The following TMEM135 variants were observed in gnomAD, a reference collection of about 807,000 sequenced individuals.
The protein encoded by TMEM135 is peroxisomal membrane protein 52.
Under a neutral mutation model 60.3 loss-of-function variants are expected in TMEM135, and 30 were observed. That is an observed-to-expected ratio of 0.50 (90% CI 0.37 to 0.68). TMEM135 has a LOEUF of 0.68. Among genes scored for constraint, TMEM135 ranks in the 30% least tolerant of loss-of-function variants. TMEM135 has a pLI of 0.00. For synonymous variants in TMEM135, 190 were observed against 186.7 expected, an observed-to-expected ratio of 1.02 and a Z score of -0.14; for missense variants, 468 against 548.8, an observed-to-expected ratio of 0.85 and a Z score of 1.47.
chr11:87,314,416 A>ATCC (rs1942690457), intron 11 of TMEM135, 55 bp from the exon 12 acceptor site: 3 of 1,438,644 alleles, frequency 2.1e-6, no homozygotes, highest in Non-Finnish European at 2.9e-6. Context: ...CTGATGACAT[A>ATCC]ATAACAAATA....
At chr11:87,145,427 A>G (rs536686771) in intron 4 of TMEM135, among the ~76,000 whole-genome samples, 1 of 152,228 alleles carries the variant, frequency 6.6e-6, no homozygotes, top group South Asian at 2.1e-4. Flanking sequence ...CTGATTTCAA[A>G]TCTTTTGGGT....
chr11:87,057,938 A>G (rs1949909256), intron 1 of TMEM135, among the ~76,000 whole-genome samples: 1 of 152,156 alleles, frequency 6.6e-6, no homozygotes, highest in Non-Finnish European at 1.5e-5. Flanking sequence ...GTGAGTCCAA[A>G]GGCCTGAGTA....
At chr11:87,102,923 T>TATC (rs1181845231) in intron 4 of TMEM135, among the ~76,000 whole-genome samples, 2 of 152,000 alleles carry the variant, frequency 1.3e-5, no homozygotes, top group Non-Finnish European at 2.9e-5. Flanking sequence ...CACTGAAACT[T>TATC]ATCATCACAA....
intron 11 of TMEM135, 80 bp downstream of exon 11, chr11:87,313,568 C>T: frequency 2.5e-6 from 3 of 1,183,736 alleles, no homozygotes; most frequent in African/African-American, 1.5e-5. Context: ...TCCAATTCAT[C>T]CAATTTCTAT....
At chr11:87,066,995 T>C (rs920476720) in intron 1 of TMEM135, among the ~76,000 whole-genome samples, 8 of 151,392 alleles carry the variant, frequency 5.3e-5, no homozygotes, top group African/African-American at 1.9e-4. Context: ...TTGGCCAGAA[T>C]GGTCTTGAAC....
At chr11:87,045,760 T>C (rs1450776760) in intron 1 of TMEM135, among the ~76,000 whole-genome samples, 2 of 152,244 alleles carry the variant, frequency 1.3e-5, no homozygotes, top group Non-Finnish European at 1.5e-5. Context: ...AAAAACTTTC[T>C]TTTCATTATT....
intron 5 of TMEM135, among the ~76,000 whole-genome samples, chr11:87,234,330 G>A (rs1940949337): frequency 6.6e-6 from 1 of 151,970 alleles, no homozygotes; most frequent in African/African-American, 2.4e-5. Flanking sequence ...AGTTCCATGA[G>A]GGCAAAGACT....
chr11:87,258,346 C>T (rs1326865732), intron 6 of TMEM135, among the ~76,000 whole-genome samples: 2 of 152,092 alleles, frequency 1.3e-5, no homozygotes, highest in African/African-American at 4.8e-5. Flanking sequence ...CATCCTGTGG[C>T]TAAAGCTGCA....
At chr11:87,252,796 A>ATGTGTGTGTGTG (rs1430756887) in intron 6 of TMEM135, among the ~76,000 whole-genome samples, 1 of 81,140 alleles carries the variant, frequency 1.2e-5, no homozygotes, top group East Asian at 2.5e-4. Flanking sequence ...ATTAAAATAT[A>ATGTGTGTGTGTG]TATGTGTGTG....
At chr11:87,168,676 G>C (rs1939139354) in intron 5 of TMEM135, among the ~76,000 whole-genome samples, 1 of 152,126 alleles carries the variant, frequency 6.6e-6, no homozygotes, top group Admixed American at 6.5e-5. Context: ...GAGACTGTTT[G>C]TTATGATTTC....
chr11:87,176,634 T>G (rs1287807412), intron 5 of TMEM135, among the ~76,000 whole-genome samples: 1 of 152,146 alleles, frequency 6.6e-6, no homozygotes, highest in Non-Finnish European at 1.5e-5. Context: ...CCTTTGAATT[T>G]TAGAGGATTG....
chr11:87,159,271 T>A (rs541087828), intron 5 of TMEM135, among the ~76,000 whole-genome samples: 1 of 152,322 alleles, frequency 6.6e-6, no homozygotes, highest in East Asian at 1.9e-4. Flanking sequence ...TCTTACATTT[T>A]AAGAGCTCTG....
At chr11:87,285,613 C>G (rs1043299371) in intron 6 of TMEM135, among the ~76,000 whole-genome samples, 2 of 152,154 alleles carry the variant, frequency 1.3e-5, no homozygotes, top group African/African-American at 4.8e-5. Flanking sequence ...AGGAGTGAAG[C>G]TGCAGACCTT....
At chr11:87,138,282 G>T (rs1341704275) in intron 4 of TMEM135, among the ~76,000 whole-genome samples, 1 of 151,868 alleles carries the variant, frequency 6.6e-6, no homozygotes, top group East Asian at 1.9e-4. Context: ...ATAGAGATGG[G>T]GTTTCACCAT....
At chr11:87,202,095 A>G (rs757843234) in intron 5 of TMEM135, among the ~76,000 whole-genome samples, 1 of 152,058 alleles carries the variant, frequency 6.6e-6, no homozygotes, top group African/African-American at 2.4e-5. Context: ...GCGTGGTCTC[A>G]GCTCATTGCA....
intron 5 of TMEM135, among the ~76,000 whole-genome samples, chr11:87,226,428 A>G (rs1446919768): frequency 6.6e-6 from 1 of 152,180 alleles, no homozygotes; most frequent in Non-Finnish European, 1.5e-5. Flanking sequence ...GTAAATCTCT[A>G]TCTGTAATCT....
At chr11:87,242,637 G>A (rs78064393) in intron 6 of TMEM135, among the ~76,000 whole-genome samples, 35,998 of 127,768 alleles carry the variant, frequency 0.28, 6,565 homozygotes, top group Non-Finnish European at 0.4. Context: ...TCTTTTGGCT[G>A]CATAAATGTC....
intron 4 of TMEM135, 74 bp downstream of exon 4, chr11:87,091,469 A>G: frequency 1.4e-6 from 2 of 1,464,332 alleles, no homozygotes; most frequent in Admixed American, 3.4e-5. Flanking sequence ...TCTTAAAAAA[A>G]GTAAAAGAGG....
Position 87,326,744 on chromosome 11 carries a change from A to G in TMEM135, c.*5411A>G, listed in dbSNP as rs1340225492. The stretch of plus-strand genomic sequence containing the variant: ...TTATTTCAGGGAAAATTGAAGGTAA[A>G]TAATATCTGCAAAGCTTCAGGAAGA... On this transcript the variant is annotated 3_prime_UTR_variant, in exon 15 of 15. Coordinates refer to ENST00000305494, the MANE Select transcript of TMEM135 (RefSeq NM_022918.4). 5 of 447,004 alleles carry G rather than the reference A, an allele frequency of 1.1e-5. No homozygotes were observed. In the Admixed American group the frequency reaches 1.2e-4, roughly 11 times the overall value. 27.7% of individuals were successfully genotyped at this position (447,004 alleles called of 1,614,324 possible). A position where few individuals can be genotyped will look rare whatever the true frequency, so the allele number is the denominator to read the frequency against.
Sources: gnomAD v4.1 joint callset for allele counts (sites outside exome capture counted in the v4.1 genomes callset) on GRCh38, gnomAD v4.1.1 for gene constraint, MANE v1.5 for transcripts, NCBI Gene and HGNC (gene_info 2026-07-23, HGNC 2026-07-21) for gene names.